LGSN: variants seen among roughly 807,000 people sequenced by gnomAD.
LGSN encodes the protein lengsin, lens protein with glutamine synthetase domain.
Under a neutral mutation model 19.5 loss-of-function variants are expected in LGSN, and 21 were observed. The observed-to-expected ratio is 1.07, with a 90% CI of 0.76 to 1.55. The LOEUF (loss-of-function observed/expected upper bound fraction) is 1.55, where lower values mean the gene tolerates loss of function less well. LGSN is among the 40% of genes most tolerant of loss of function. The pLI is 0.00. For missense variants in LGSN, 673 were observed against 608.5 expected (o/e 1.11, Z -1.12); for synonymous variants, 257 against 215.6 (o/e 1.19, Z -1.68).
chr6:63,488,471 A>C, the LGSN span, among the ~76,000 whole-genome samples: 1 of 152,172 alleles, frequency 6.6e-6, no homozygotes. Context: ...AGCCATTGTC[A>C]TCACTTTTCC....
chr6:63,526,081 T>G, the LGSN span, among the ~76,000 whole-genome samples: 1 of 152,014 alleles, frequency 6.6e-6, no homozygotes, highest in African/African-American at 2.4e-5. Flanking sequence ...TCCCAACATT[T>G]TAGGAGGCCA....
the LGSN span, chr6:63,441,610 C>A: frequency 2.2e-6 from 1 of 462,846 alleles, no homozygotes; most frequent in African/African-American, 2.0e-5. Flanking sequence ...GCTAAGGAAG[C>A]TCAGGAGAGG....
chr6:63,409,053 G>C, the LGSN span, among the ~76,000 whole-genome samples: 1 of 152,072 alleles, frequency 6.6e-6, no homozygotes, highest in Non-Finnish European at 1.5e-5. Flanking sequence ...TAGGACTGTA[G>C]GTGCACACCA....
the LGSN span, among the ~76,000 whole-genome samples, chr6:63,391,692 G>A: frequency 6.6e-6 from 1 of 152,116 alleles, no homozygotes; most frequent in Non-Finnish European, 1.5e-5. Flanking sequence ...GACCATTCTT[G>A]CTGGGCAGAG....
chr6:63,513,929 A>AG, the LGSN span, among the ~76,000 whole-genome samples: 1 of 149,232 alleles, frequency 6.7e-6, no homozygotes, highest in Non-Finnish European at 1.5e-5. Flanking sequence ...AAAAAAAAAA[A>AG]AAAAAAACAC....
At chr6:63,557,626 G>A in the LGSN span, among the ~76,000 whole-genome samples, 1 of 152,044 alleles carries the variant, frequency 6.6e-6, no homozygotes, top group South Asian at 2.1e-4. Flanking sequence ...GAAAATTCCA[G>A]GTAAAAGGAA....
chr6:63,561,667 G>A, the LGSN span, among the ~76,000 whole-genome samples: 5 of 152,248 alleles, frequency 3.3e-5, no homozygotes, highest in South Asian at 6.2e-4. Flanking sequence ...GTTTCCAAAC[G>A]TTTAGAGGTG....
chr6:63,449,557 A>G, the LGSN span, among the ~76,000 whole-genome samples: 1 of 151,778 alleles, frequency 6.6e-6, no homozygotes, highest in Non-Finnish European at 1.5e-5. Context: ...AAAAAAAAAG[A>G]AAAGAAAGAA....
the LGSN span, among the ~76,000 whole-genome samples, chr6:63,340,454 T>C: frequency 7.9e-5 from 12 of 152,162 alleles, no homozygotes; most frequent in Non-Finnish European, 4.4e-5. Context: ...TTCTTCATTC[T>C]TTTTTATTCT....
chr6:63,360,842 T>C, the LGSN span, among the ~76,000 whole-genome samples: 6 of 152,242 alleles, frequency 3.9e-5, no homozygotes, highest in Admixed American at 3.9e-4. Context: ...TTGGTGTGGA[T>C]GTCCTTTCTG....
the LGSN span, among the ~76,000 whole-genome samples, chr6:63,402,960 CA>C: frequency 6.6e-6 from 1 of 152,126 alleles, no homozygotes; most frequent in Non-Finnish European, 1.5e-5. Flanking sequence ...AATCAAGCTG[CA>C]ACATCAACTA....
chr6:63,412,567 A>AAGG, the LGSN span, among the ~76,000 whole-genome samples: 83 of 121,594 alleles, frequency 6.8e-4, 3 homozygotes, highest in African/African-American at 3.1e-3. Flanking sequence ...AGAAAGAAAG[A>AAGG]AAGGAAGGAA....
the LGSN span, chr6:63,549,099 C>T: frequency 1.4e-5 from 10 of 705,892 alleles, no homozygotes; most frequent in Middle Eastern, 3.7e-4. Context: ...AACTCCTGCT[C>T]GAAGGACAGG....
At chr6:63,369,968 C>A in the LGSN span, among the ~76,000 whole-genome samples, 1 of 152,028 alleles carries the variant, frequency 6.6e-6, no homozygotes, top group African/African-American at 2.4e-5. Flanking sequence ...GGCCACTGCA[C>A]TCCAGCCTGG....
At chr6:63,437,425 T>C in the LGSN span, among the ~76,000 whole-genome samples, 1 of 152,142 alleles carries the variant, frequency 6.6e-6, no homozygotes, top group Admixed American at 6.5e-5. Context: ...TTTTTTGTTT[T>C]GTTTTTGTTT....
the LGSN span, among the ~76,000 whole-genome samples, chr6:63,412,416 A>AAAGAAAGAAAGAAAGAGAGAG: frequency 9.2e-5 from 9 of 97,496 alleles, no homozygotes; most frequent in African/African-American, 6.1e-4. Flanking sequence ...AGAAAGAAAG[A>AAAGAAAGAAAGAAAGAGAGAG]AGAAAGAAAG....
At chr6:63,306,263 G>A (rs1768380801) in intron 1 of LGSN, among the ~76,000 whole-genome samples, 3 of 152,096 alleles carry the variant, frequency 2.0e-5, no homozygotes, top group Admixed American at 2.0e-4. Context: ...CATATCTGAG[G>A]AAGAATAGGA....
the LGSN span, among the ~76,000 whole-genome samples, chr6:63,535,574 T>C: frequency 7.9e-4 from 121 of 152,356 alleles, no homozygotes; most frequent in Middle Eastern, 6.8e-3. Context: ...GTTGTACATA[T>C]GTGTCATATG....
At chr6:63,357,846 A>G in the LGSN span, among the ~76,000 whole-genome samples, 33 of 152,086 alleles carry the variant, frequency 2.2e-4, no homozygotes, top group African/African-American at 8.0e-4. Context: ...ATTAGATCCC[A>G]TTTGTTAATT....
Sources: gnomAD v4.1 joint callset for allele counts (sites outside exome capture counted in the v4.1 genomes callset) on GRCh38, gnomAD v4.1.1 for gene constraint, MANE v1.5 for transcripts, NCBI Gene and HGNC (gene_info 2026-07-23, HGNC 2026-07-21) for gene names.